Variants in ICE2 observed in about 807,000 individuals in gnomAD.
The protein encoded by ICE2 is little elongation complex subunit 2.
A neutral mutation model predicts 105.4 loss-of-function variants in ICE2; 87 were observed. The observed-to-expected ratio is 0.83, with a 90% CI of 0.69 to 0.99. The LOEUF is 0.99. ICE2 is among the 50% of genes least tolerant of loss of function. ICE2 has a pLI of 0.00. For missense variants in ICE2, 1,323 were observed against 1,146.7 expected, an observed-to-expected ratio of 1.15 and a Z score of -2.22; for synonymous variants, 399 against 392.0, an observed-to-expected ratio of 1.02 and a Z score of -0.21.
chr15:60,462,067 T>C (rs772462249), intron 5 of ICE2, among the ~76,000 whole-genome samples: 7 of 152,190 alleles, frequency 4.6e-5, no homozygotes, highest in Non-Finnish European at 8.8e-5. Context: ...AAGAAGGAAC[T>C]AATTTTTTTA....
Position 60,423,738 on chromosome 15 carries a change from G to A in ICE2, c.2845C>T (p.Arg949Cys), listed in dbSNP as rs554509395. Residue 949 changes from arginine to cysteine, a missense_variant, in exon 16 of 16, where the codon CGC becomes TGC. By Grantham distance (180) the Arg-to-Cys change is radical. Transcript: ENST00000261520. ...QKIGGTRMPT[R>C]SHRNPVSMET... ...ATGGAAACTGGATTCCTGTGGCTGC[G>A]TGTAGGCATTCTCGTTCCACCAATC... 67 of 1,597,840 alleles carry A rather than the reference G, an allele frequency of 4.2e-5. No homozygotes were observed. The East Asian group carries it at 1.1e-3, about 26-fold the overall frequency.
At position 60,423,735 on chromosome 15, in the gene ICE2, T is replaced by C; in HGVS notation, c.2848A>G (p.Ser950Gly). 2.5e-6 allele frequency: 4 copies of C among 1,601,774 alleles called. No individual in the cohort carries two copies. The Admixed American group carries it at 7.1e-5, about 28-fold the overall frequency. The part of the protein sequence containing the change: ...KIGGTRMPTR[S>G]HRNPVSMETK... Reference sequence around the variant, plus strand: ...TCCATGGAAACTGGATTCCTGTGGCTGCGTGTAGGCATTCTCGTTCCACCA... The same window carrying C: ...TCCATGGAAACTGGATTCCTGTGGCCGCGTGTAGGCATTCTCGTTCCACCA... The change falls in exon 16 of 16, where the codon AGC becomes GGC. Residue 950 changes from serine (S) to glycine (G), a missense_variant. Coordinates refer to ENST00000261520, the MANE Select transcript of ICE2 (RefSeq NM_024611.6).
intron 14 of ICE2, 35 bp from the exon 15 acceptor site, chr15:60,428,722 C>A (rs374504951): frequency 2.5e-6 from 4 of 1,592,384 alleles, no homozygotes; most frequent in Non-Finnish European, 3.4e-6. Flanking sequence ...CCCACTGGCT[C>A]ACTGTGTCAA....
chr15:60,467,992 T>C, intron 4 of ICE2, 69 bp downstream of exon 4: 1 of 1,368,352 alleles, frequency 7.3e-7, no homozygotes, highest in Non-Finnish European at 9.7e-7. Flanking sequence ...AACATAAATG[T>C]AAATTTAAGA....
Position 60,466,668 on chromosome 15 carries a change from A to C in ICE2, c.454T>G (p.Phe152Val). 1 of 1,610,662 alleles carries C rather than the reference A, an allele frequency of 6.2e-7. No individual in the cohort carries two copies. Among genetic ancestry groups the C allele is most frequent in the Non-Finnish European group, 8.5e-7 (1 of 1,179,312 alleles). ...VNEEVTEFLK[F>V]LQNSAKKCAQ... ...CATTTCTTTGCAGAATTCTGCAAAA[A>C]CTTTAGGAACTCAGTAACTTCTTCG... The change falls in exon 5 of 16, where the codon TTT becomes GTT. Residue 152 changes from phenylalanine (F) to valine (V), a missense_variant. Transcript: ENST00000261520.
At chr15:60,430,449 T>C (rs200441468) in intron 14 of ICE2, among the ~76,000 whole-genome samples, 1 of 151,386 alleles carries the variant, frequency 6.6e-6, no homozygotes, top group African/African-American at 2.4e-5. Context: ...TTTTATAATC[T>C]TAATTTGTTA....
At chr15:60,457,537 C>A (rs1025713163) in intron 5 of ICE2, among the ~76,000 whole-genome samples, 1 of 152,134 alleles carries the variant, frequency 6.6e-6, no homozygotes, top group Non-Finnish European at 1.5e-5. Flanking sequence ...CACAAAAGCT[C>A]TTGACATCTT....
chr15:60,470,824 ATATT>A (rs1346372787), intron 3 of ICE2, among the ~76,000 whole-genome samples: 3 of 152,116 alleles, frequency 2.0e-5, no homozygotes, highest in South Asian at 2.1e-4. Flanking sequence ...GGTATAGGAT[ATATT>A]TATTGTTTTT....
intron 5 of ICE2, among the ~76,000 whole-genome samples, chr15:60,457,981 G>C (rs1047018381): frequency 6.6e-6 from 1 of 152,126 alleles, no homozygotes; most frequent in East Asian, 1.9e-4. Flanking sequence ...GACCATTCTT[G>C]TTACATATTC....
At chr15:60,437,006 A>G (rs2063608566) in intron 12 of ICE2, among the ~76,000 whole-genome samples, 1 of 152,030 alleles carries the variant, frequency 6.6e-6, no homozygotes, top group Admixed American at 6.5e-5. Flanking sequence ...AAATCCCCGC[A>G]CTTTGGGAGG....
rs2140973399 is a variant in ICE2 at position 60,419,656 on chromosome 15, C to T, written c.*3978G>A. 1 of 152,218 alleles carries T rather than the reference C, an allele frequency of 6.6e-6. No individual in the cohort carries two copies. Among genetic ancestry groups the T allele is most frequent in the South Asian group, 2.1e-4 (1 of 4,816 alleles). 9.4% of individuals were successfully genotyped at this position (152,218 alleles called of 1,614,324 possible). On this transcript the variant is annotated 3_prime_UTR_variant, in exon 16 of 16. Transcript: ENST00000261520. ...TTTATTTCTACATCTCAACAAGAAA[C>T]TCAATAAATCTTAATATCAAATACG...
At chr15:60,443,336 T>C (rs2063759538) in intron 11 of ICE2, among the ~76,000 whole-genome samples, 1 of 152,242 alleles carries the variant, frequency 6.6e-6, no homozygotes, top group Non-Finnish European at 1.5e-5. Context: ...CTTGAACTTA[T>C]AAGGCTAATT....
At chr15:60,440,819 C>G (rs1248267205) in intron 12 of ICE2, 2 of 152,150 alleles carry the variant, frequency 1.3e-5, no homozygotes, top group Non-Finnish European at 2.9e-5. Flanking sequence ...AATCCCACAA[C>G]CATACAATAT....
intron 15 of ICE2, among the ~76,000 whole-genome samples, chr15:60,425,810 A>G (rs1003320444): frequency 9.2e-5 from 14 of 152,186 alleles, no homozygotes; most frequent in African/African-American, 3.4e-4. Flanking sequence ...ACTAGAATCC[A>G]TATTTGCACT....
chr15:60,460,183 G>C (rs532931891), intron 5 of ICE2, among the ~76,000 whole-genome samples: 2 of 152,172 alleles, frequency 1.3e-5, no homozygotes, highest in East Asian at 3.9e-4. Context: ...CAGATTAATG[G>C]AACAAAACAG....
chr15:60,461,196 A>G (rs1326390258), intron 5 of ICE2, among the ~76,000 whole-genome samples: 1 of 152,208 alleles, frequency 6.6e-6, no homozygotes, highest in African/African-American at 2.4e-5. Context: ...AACACATGAA[A>G]TCACTAACCA....
rs759819919 is a variant in ICE2, at chr15:60,468,069, G to T, written c.400C>A (p.Gln134Lys). ...AAGAACACAATACATACCAAGTACT[G>T]CAAGTAGTCATTTTTATTTATTCCA... ...AVGINKNDYLQYLDMKKHVNE... is the reference protein window; with the variant it reads ...AVGINKNDYLKYLDMKKHVNE... The change falls in exon 4 of 16, where the codon CAG (glutamine) becomes AAG (lysine). Residue 134 changes from glutamine (Q) to lysine (K), a missense_variant. Transcript: ENST00000261520. 3.1e-6 allele frequency: 5 copies of T among 1,611,638 alleles called. No individual in the cohort carries two copies. The highest frequency in any genetic ancestry group is 4.2e-6 in the Non-Finnish European group (5 of 1,178,854).
intron 5 of ICE2, among the ~76,000 whole-genome samples, chr15:60,463,251 A>G (rs2064329665): frequency 6.6e-6 from 1 of 152,202 alleles, no homozygotes; most frequent in Admixed American, 6.5e-5. Context: ...TATGTGTACC[A>G]AAAGAAATGT....
Position 60,466,862 on chromosome 15 carries a change from T to A in ICE2, c.409-149A>T, listed in dbSNP as rs923999410. 4.5e-6 allele frequency: 3 copies of A among 666,098 alleles called. No homozygotes were observed. The African/African-American group carries it at 5.5e-5, about 12-fold the overall frequency. 41.3% of individuals were successfully genotyped at this position (666,098 alleles called of 1,614,324 possible). A position where few individuals can be genotyped will look rare whatever the true frequency, so the allele number is the denominator to read the frequency against. On this transcript the variant is annotated intron_variant, in intron 4 of 15. Coordinates refer to ENST00000261520, the MANE Select transcript of ICE2 (RefSeq NM_024611.6). Reference sequence around the variant, plus strand: ...AATCAAAGAAGTCAGTAAAAATTATTATGCAGTAATGATAAACTGTTATTA... The same window carrying A: ...AATCAAAGAAGTCAGTAAAAATTATAATGCAGTAATGATAAACTGTTATTA...
Sources: gnomAD v4.1 joint callset for allele counts (sites outside exome capture counted in the v4.1 genomes callset) on GRCh38, gnomAD v4.1.1 for gene constraint, MANE v1.5 for transcripts, NCBI Gene and HGNC (gene_info 2026-07-23, HGNC 2026-07-21) for gene names.